MDM1: variants seen among roughly 807,000 people sequenced by gnomAD.
MDM1 encodes stabilizer of axonemal microtubules 6.
A neutral mutation model predicts 89.1 loss-of-function variants in MDM1; 61 were observed. The observed-to-expected ratio is 0.68, with a 90% CI of 0.56 to 0.85. The LOEUF (loss-of-function observed/expected upper bound fraction) is 0.85. MDM1 is among the 40% of genes least tolerant of loss of function. The pLI, the probability that MDM1 is intolerant of heterozygous loss-of-function variation, is 0.00. For missense variants in MDM1, 820 were observed against 846.5 expected, an observed-to-expected ratio of 0.97 and a Z score of 0.39; for synonymous variants, 290 against 294.1, an observed-to-expected ratio of 0.99 and a Z score of 0.14.
intron 12 of MDM1, among the ~76,000 whole-genome samples, chr12:68,308,508 C>T (rs1592958649): frequency 6.6e-6 from 1 of 152,212 alleles, no homozygotes; most frequent in Admixed American, 6.5e-5. Flanking sequence ...TCAGCTAAAA[C>T]GTCATCTCCT....
chr12:68,311,938 A>G (rs1387311092), intron 12 of MDM1, among the ~76,000 whole-genome samples: 2 of 152,114 alleles, frequency 1.3e-5, no homozygotes, highest in Middle Eastern at 6.8e-3. Flanking sequence ...CAATTGTCCT[A>G]TCTTACTCAC....
intron 2 of MDM1, 56 bp downstream of exon 2, chr12:68,331,051 G>C: frequency 1.0e-6 from 1 of 1,000,034 alleles, no homozygotes; most frequent in Non-Finnish European, 1.6e-6. Context: ...ATAACGGCTT[G>C]GCCCAAGTTA....
intron 13 of MDM1, among the ~76,000 whole-genome samples, chr12:68,301,370 A>AC: frequency 6.6e-6 from 1 of 152,204 alleles, no homozygotes; most frequent in African/African-American, 2.4e-5. Flanking sequence ...TGAAAAATCA[A>AC]ATACTGCATG....
intron 10 of MDM1, among the ~76,000 whole-genome samples, chr12:68,314,617 G>C (rs1026907935): frequency 4.6e-5 from 7 of 152,090 alleles, no homozygotes; most frequent in Non-Finnish European, 1.0e-4. Flanking sequence ...TGATATTAAA[G>C]AACACCAGTT....
Position 68,325,456 on chromosome 12 carries a change from A to G in MDM1, c.618T>C (p.Ala206=), listed in dbSNP as rs751208015. Residue 206 remains alanine, a synonymous_variant, in exon 4 of 15, where the codon GCT becomes GCC. Transcript: ENST00000682720. ...VWKTSKETAP[A]FAANQVFHNK... ...ATTAAGCTACCTGATTGGCTGCAAA[A>G]GCTGGAGCAGTTTCTTTAGAAGTCT... The G allele has an allele frequency of 6.3e-7, 1 of 1,582,646 alleles. No homozygotes were observed. Among genetic ancestry groups the G allele is most frequent in the Non-Finnish European group, 8.6e-7 (1 of 1,166,710 alleles).
Position 68,295,326 on chromosome 12 carries a change from A to G in MDM1, c.2103T>C (p.Ala701=). 1 of 1,613,382 alleles carries G rather than the reference A, an allele frequency of 6.2e-7. No individual in the cohort carries two copies. Among genetic ancestry groups the G allele is most frequent in the East Asian group, 2.2e-5 (1 of 44,804 alleles). The change falls in exon 15 of 15, where the codon GCT becomes GCC. Residue 701 remains alanine, a synonymous_variant. Coordinates refer to ENST00000682720, the MANE Select transcript of MDM1 (RefSeq NM_001354969.2). ...RLSEISARSA[A]SSLRAFQTLA... ...GAGTTTGAAAAGCCCGGAGACTAGA[A>G]GCTGCAGAGCGAGCAGAAATCTCAG...
At chr12:68,313,264 C>T (rs1166749761) in intron 12 of MDM1, among the ~76,000 whole-genome samples, 179 bp downstream of exon 12, 3 of 152,148 alleles carry the variant, frequency 2.0e-5, no homozygotes, top group South Asian at 2.1e-4. Context: ...TCAACAAAAA[C>T]GTAATGCTTC....
chr12:68,318,520 C>G (rs1365346812), intron 7 of MDM1, among the ~76,000 whole-genome samples: 1 of 152,140 alleles, frequency 6.6e-6, no homozygotes, highest in Non-Finnish European at 1.5e-5. Context: ...CTTTATTAAT[C>G]TCAGTGCTAA....
chr12:68,331,262 G>T, intron 1 of MDM1, 41 bp from the exon 2 acceptor site: 1 of 1,076,838 alleles, frequency 9.3e-7, no homozygotes, highest in Non-Finnish European at 1.4e-6. Flanking sequence ...TCCAATTAAT[G>T]AATGATGTTT....
Position 68,321,637 on chromosome 12 carries a change from G to C in MDM1, c.802-9C>G, listed in dbSNP as rs7964052. ...TCGTCTATTTTATTACTCTGAAATGGAAATCATTTAAGCTTTTTATGCTTA... is the reference window on the plus strand; with the variant it reads ...TCGTCTATTTTATTACTCTGAAATGCAAATCATTTAAGCTTTTTATGCTTA... On this transcript the variant is annotated splice_polypyrimidine_tract_variant and intron_variant, in intron 5 of 14. Coordinates refer to ENST00000682720, the MANE Select transcript of MDM1 (RefSeq NM_001354969.2). 14 of 1,576,490 alleles carry C rather than the reference G, an allele frequency of 8.9e-6. No individual in the cohort carries two copies. In the East Asian group the frequency reaches 3.1e-4, roughly 35 times the overall value.
At chr12:68,318,588 T>C (rs898659166) in intron 7 of MDM1, among the ~76,000 whole-genome samples, 6 of 151,984 alleles carry the variant, frequency 3.9e-5, no homozygotes, top group African/African-American at 1.2e-4. Context: ...AGATGAAAAA[T>C]TAAAAGGCTG....
chr12:68,302,728 G>A lies in MDM1; in HGVS notation c.1894C>T (p.Pro632Ser). ...TLPVSKIPKY[P>S]TNPPGQLPSP... ...GGCAACTGTCCAGGGGGATTTGTTG[G>A]GTATTTTGGAATTTTTGAAACTGGA... The change falls in exon 13 of 15, where the codon CCA becomes TCA. Residue 632 changes from proline (P) to serine (S), a missense_variant. Transcript: ENST00000682720. 6.2e-7 allele frequency: 1 copy of A among 1,613,966 alleles called. No homozygotes were observed. The highest frequency in any genetic ancestry group is 8.5e-7 in the Non-Finnish European group (1 of 1,179,958).
At position 68,314,942 on chromosome 12, in the gene MDM1, T is replaced by A. The variant is rs201373084; in HGVS notation, c.1529+6A>T. On this transcript the variant is annotated splice_donor_region_variant and intron_variant, in intron 10 of 14. Transcript: ENST00000682720. ...TTCTCTATACTGAGTAATTTAAAACTCTCACCCTTCTTTCATCTTATCTGC... is the reference window on the plus strand; with the variant it reads ...TTCTCTATACTGAGTAATTTAAAACACTCACCCTTCTTTCATCTTATCTGC... 25 of 1,607,876 alleles carry A rather than the reference T, an allele frequency of 1.6e-5. No individual in the cohort carries two copies. In the East Asian group the frequency reaches 4.9e-4, roughly 32 times the overall value.
rs1172541602 is a variant in MDM1 at position 68,294,822 on chromosome 12, AAAC to A, written c.*429_*431del. ...GTATAGAAGGAACTAAAATAAAAAG[AAAC>A]ACTACAGCAAAGGTTAAAGGAACAA... On this transcript the variant is annotated 3_prime_UTR_variant, in exon 15 of 15. Coordinates refer to ENST00000682720, the MANE Select transcript of MDM1 (RefSeq NM_001354969.2). 3 of 152,564 alleles carry A rather than the reference AAAC, an allele frequency of 2.0e-5. No homozygotes were observed. The highest frequency in any genetic ancestry group is 6.5e-5 in the Admixed American group (1 of 15,324). 9.5% of individuals were successfully genotyped at this position (152,564 alleles called of 1,614,324 possible).
chr12:68,314,679 A>G (rs1216186209), intron 10 of MDM1, among the ~76,000 whole-genome samples: 1 of 152,208 alleles, frequency 6.6e-6, no homozygotes, highest in Non-Finnish European at 1.5e-5. Flanking sequence ...GGCACACCAT[A>G]AATTATAGGA....
intron 12 of MDM1, among the ~76,000 whole-genome samples, chr12:68,311,690 C>T (rs1464938308): frequency 1.3e-5 from 2 of 152,218 alleles, no homozygotes; most frequent in East Asian, 1.9e-4. Context: ...TTCTTGTCAA[C>T]ATACAAACAT....
At chr12:68,301,158 T>C (rs1872098232) in intron 13 of MDM1, among the ~76,000 whole-genome samples, 1 of 152,166 alleles carries the variant, frequency 6.6e-6, no homozygotes, top group African/African-American at 2.4e-5. Flanking sequence ...GCAAAAGCAA[T>C]GCTAAAAGTT....
chr12:68,295,554 G>T (rs1261359138), intron 14 of MDM1, among the ~76,000 whole-genome samples, 188 bp from the exon 15 acceptor site: 2 of 152,060 alleles, frequency 1.3e-5, no homozygotes, highest in South Asian at 4.1e-4. Context: ...TAGTTTTCCA[G>T]GTTTATCATA....
intron 12 of MDM1, among the ~76,000 whole-genome samples, chr12:68,310,196 C>G (rs1351687920): frequency 6.6e-6 from 1 of 152,192 alleles, no homozygotes; most frequent in Non-Finnish European, 1.5e-5. Context: ...GTCTTGAACT[C>G]CTGGCTTCAT....
Sources: allele counts gnomAD v4.1 joint callset (sites outside exome capture counted in the v4.1 genomes callset), GRCh38; gene constraint gnomAD v4.1.1; transcripts MANE v1.5; gene names NCBI Gene and HGNC (gene_info 2026-07-23, HGNC 2026-07-21).